Variants in PPFIA2 observed in about 807,000 individuals in gnomAD.
PPFIA2 encodes the protein PPFI scaffold protein A2.
Under a neutral mutation model 175.5 loss-of-function variants are expected in PPFIA2, and 46 were observed. The ratio of observed to expected loss-of-function variants is 0.26; its 90% CI spans 0.21 to 0.34. The LOEUF is 0.34. Among genes scored for constraint, PPFIA2 ranks in the 10% least tolerant of loss-of-function variants. The pLI is 1.00. For missense variants in PPFIA2, 1,179 were observed against 1,506.1 expected (o/e 0.78, Z 3.60); for synonymous variants, 568 against 511.4 (o/e 1.11, Z -1.49).
At chr12:81,749,370 C>T (rs1404214764) in intron 3 of PPFIA2, among the ~76,000 whole-genome samples, 2 of 143,376 alleles carry the variant, frequency 1.4e-5, no homozygotes, top group African/African-American at 4.9e-5. Flanking sequence ...AACTTTTTTC[C>T]CCATCCCCTT....
intron 4 of PPFIA2, among the ~76,000 whole-genome samples, chr12:81,554,338 G>C (rs2068467760): frequency 6.6e-6 from 1 of 151,938 alleles, no homozygotes; most frequent in African/African-American, 2.4e-5. Context: ...TCAGGATAAT[G>C]GTGCTTCTCT....
intron 4 of PPFIA2, among the ~76,000 whole-genome samples, chr12:81,653,961 T>C (rs1596040276): frequency 1.3e-5 from 2 of 152,126 alleles, no homozygotes; most frequent in East Asian, 1.9e-4. Context: ...CATATAAATA[T>C]AGTAATATGT....
chr12:81,552,048 C>T (rs983596937), intron 4 of PPFIA2, among the ~76,000 whole-genome samples: 2 of 151,510 alleles, frequency 1.3e-5, no homozygotes, highest in African/African-American at 4.8e-5. Flanking sequence ...TTAACTTACA[C>T]AATTTTAATA....
chr12:81,740,910 C>A (rs1456263394), intron 3 of PPFIA2, among the ~76,000 whole-genome samples: 2 of 151,924 alleles, frequency 1.3e-5, no homozygotes, highest in South Asian at 4.1e-4. Context: ...TCATTTTGTC[C>A]TTCCACAAAC....
At chr12:81,665,038 CG>C (rs1274415556) in intron 4 of PPFIA2, among the ~76,000 whole-genome samples, 7 of 140,906 alleles carry the variant, frequency 5.0e-5, no homozygotes, top group Admixed American at 3.5e-4. Flanking sequence ...GGCCTGTTGT[CG>C]GGTGGGGGCA....
chr12:81,663,051 C>T (rs1002022057), intron 4 of PPFIA2, among the ~76,000 whole-genome samples: 1 of 152,266 alleles, frequency 6.6e-6, no homozygotes, highest in African/African-American at 2.4e-5. Context: ...TGGGACATAT[C>T]TCAAAATAAT....
intron 6 of PPFIA2, among the ~76,000 whole-genome samples, chr12:81,442,848 CATAT>C (rs35192542): frequency 0.022 from 309 of 13,988 alleles, 2 homozygotes; most frequent in Non-Finnish European, 0.028. Context: ...TTTCTGACTT[CATAT>C]ATATATATAT....
intron 8 of PPFIA2, among the ~76,000 whole-genome samples, chr12:81,397,870 T>C (rs942285117): frequency 3.3e-5 from 5 of 151,908 alleles, no homozygotes; most frequent in African/African-American, 9.7e-5. Context: ...ATTCACAAAG[T>C]AGTGTGAACC....
At chr12:81,301,989 C>G (rs1267604586) in intron 22 of PPFIA2, among the ~76,000 whole-genome samples, 5 of 152,112 alleles carry the variant, frequency 3.3e-5, no homozygotes, top group African/African-American at 1.2e-4. Flanking sequence ...CAGGGAGGAT[C>G]TGTGTTTTCA....
Position 81,294,126 on chromosome 12 carries a change from A to G in PPFIA2, c.2925+709T>C, listed in dbSNP as rs192069827. Among the ~76,000 whole-genome samples, 26 of 152,194 alleles carry G rather than the reference A, an allele frequency of 1.7e-4. No individual in the cohort carries two copies. The East Asian group carries it at 4.9e-3, about 28-fold the overall frequency. ...GGACAGGTAGAAGGAAATAACAGAC[A>G]TTGGAGACTCCAAAAGGGAAGAGGT... On this transcript the variant is annotated intron_variant, in intron 24 of 32. Coordinates refer to ENST00000549396, the MANE Select transcript of PPFIA2 (RefSeq NM_003625.5).
intron 21 of PPFIA2, among the ~76,000 whole-genome samples, chr12:81,327,126 T>C (rs2054956181): frequency 6.6e-6 from 1 of 152,154 alleles, no homozygotes; most frequent in Admixed American, 6.6e-5. Flanking sequence ...GGAACATTGA[T>C]ATAAATAAAT....
chr12:81,388,403 A>T (rs932600286), intron 8 of PPFIA2, among the ~76,000 whole-genome samples: 4 of 152,138 alleles, frequency 2.6e-5, no homozygotes, highest in Non-Finnish European at 5.9e-5. Flanking sequence ...AAGAGTACAT[A>T]ATGTGTGATT....
intron 4 of PPFIA2, among the ~76,000 whole-genome samples, chr12:81,538,282 T>C (rs1053193827): frequency 6.6e-6 from 1 of 152,028 alleles, no homozygotes; most frequent in East Asian, 1.9e-4. Flanking sequence ...ATCATGACAA[T>C]ATTAAAGAAA....
chr12:81,648,922 T>C (rs1002533442), intron 4 of PPFIA2, among the ~76,000 whole-genome samples: 3 of 151,692 alleles, frequency 2.0e-5, no homozygotes, highest in Non-Finnish European at 2.9e-5. Flanking sequence ...ACTAGAACAA[T>C]TGGCTAGCCA....
intron 7 of PPFIA2, among the ~76,000 whole-genome samples, chr12:81,422,750 A>G (rs578117232): frequency 4.6e-5 from 7 of 152,180 alleles, no homozygotes; most frequent in African/African-American, 1.7e-4. Context: ...AACACGTGGG[A>G]ATTCAAGATG....
rs548161245 is a variant in PPFIA2 at position 81,460,766 on chromosome 12, G to A, written c.304-2900C>T. Among the ~76,000 whole-genome samples, 37 of 152,170 alleles carry A rather than the reference G, an allele frequency of 2.4e-4. 1 individual carries two copies. In the South Asian group the frequency reaches 7.0e-3, roughly 29 times the overall value. On this transcript the variant is annotated intron_variant, in intron 4 of 32. Transcript: ENST00000549396. ...AACATTGATTGCAAACTTACAGTAT[G>A]TTAGGTCCTCTGCCAAGCAATTTAT...
chr12:81,404,166 TAAG>T (rs1049155915), intron 8 of PPFIA2, among the ~76,000 whole-genome samples: 2 of 152,094 alleles, frequency 1.3e-5, no homozygotes, highest in Non-Finnish European at 2.9e-5. Context: ...TCCTCCTCCA[TAAG>T]AAGAACACTT....
At chr12:81,357,049 T>A (rs2060965949) in intron 16 of PPFIA2, among the ~76,000 whole-genome samples, 1 of 152,098 alleles carries the variant, frequency 6.6e-6, no homozygotes, top group Non-Finnish European at 1.5e-5. Context: ...TCTTAAAAAA[T>A]TGGTTTTTAT....
At chr12:81,702,189 G>T (rs972561658) in intron 3 of PPFIA2, among the ~76,000 whole-genome samples, 2 of 151,336 alleles carry the variant, frequency 1.3e-5, no homozygotes, top group African/African-American at 4.8e-5. Flanking sequence ...GTGGCTGCTT[G>T]TATCTAGTGC....
Sources: allele counts gnomAD v4.1 joint callset (sites outside exome capture counted in the v4.1 genomes callset), GRCh38; gene constraint gnomAD v4.1.1; transcripts MANE v1.5; gene names NCBI Gene and HGNC (gene_info 2026-07-23, HGNC 2026-07-21).